DLGAP2: variants seen among roughly 807,000 people sequenced by gnomAD.
DLGAP2 encodes the protein disks large-associated protein 2.
A neutral mutation model predicts 100.3 loss-of-function variants in DLGAP2; 26 were observed. That is an observed-to-expected ratio of 0.26 (90% CI 0.19 to 0.36). DLGAP2 has a LOEUF of 0.36. DLGAP2 is among the 10% of genes least tolerant of loss of function. The pLI is 1.00. For missense variants in DLGAP2, 1,858 were observed against 1,453.2 expected (o/e 1.28, Z -4.53); for synonymous variants, 886 against 630.1 (o/e 1.41, Z -6.08).
intron 8 of DLGAP2, among the ~76,000 whole-genome samples, chr8:1,662,388 G>A (rs1798427859): frequency 6.6e-6 from 1 of 152,136 alleles, no homozygotes; most frequent in Admixed American, 6.5e-5. Context: ...TAGGAAACCT[G>A]GAACCGCCAT....
chr8:806,033 A>G (rs1242209854), intron 1 of DLGAP2, among the ~76,000 whole-genome samples: 1 of 152,204 alleles, frequency 6.6e-6, no homozygotes, highest in Admixed American at 6.5e-5. Flanking sequence ...CATTTTGCCA[A>G]TTCCTTTTAC....
At chr8:1,272,035 C>G (rs1018636068) in intron 3 of DLGAP2, among the ~76,000 whole-genome samples, 1 of 152,122 alleles carries the variant, frequency 6.6e-6, no homozygotes, top group Admixed American at 6.5e-5. Context: ...AAGTTGGTCT[C>G]AAACTCCTGA....
intron 3 of DLGAP2, among the ~76,000 whole-genome samples, chr8:1,291,035 A>G (rs1373673321): frequency 6.6e-6 from 1 of 152,216 alleles, no homozygotes. Flanking sequence ...GCTTGAAACA[A>G]AAGGTCTATA....
chr8:1,458,625 A>C (rs1478708321), intron 3 of DLGAP2, among the ~76,000 whole-genome samples: 3 of 152,184 alleles, frequency 2.0e-5, no homozygotes, highest in Non-Finnish European at 2.9e-5. Context: ...TCAAACTCAA[A>C]ACAATCTCTG....
At chr8:832,648 G>C (rs1044355621) in intron 1 of DLGAP2, among the ~76,000 whole-genome samples, 1 of 152,190 alleles carries the variant, frequency 6.6e-6, no homozygotes, top group African/African-American at 2.4e-5. Flanking sequence ...CTTTTCTTTT[G>C]CACTGATTTT....
intron 1 of DLGAP2, among the ~76,000 whole-genome samples, chr8:893,668 A>G (rs1798081997): frequency 6.6e-6 from 1 of 152,156 alleles, no homozygotes; most frequent in South Asian, 2.1e-4. Context: ...TGGTTTCATG[A>G]CAGCATCCAG....
chr8:1,055,912 A>G (rs1276100221), intron 2 of DLGAP2, among the ~76,000 whole-genome samples: 1 of 152,194 alleles, frequency 6.6e-6, no homozygotes, highest in Admixed American at 6.5e-5. Flanking sequence ...AGATGTCAGG[A>G]ATAATAATAC....
intron 2 of DLGAP2, among the ~76,000 whole-genome samples, chr8:958,582 CAA>C (rs1207044026): frequency 0.068 from 5,811 of 85,518 alleles, 367 homozygotes; most frequent in African/African-American, 0.23. Flanking sequence ...ACTAGACCTC[CAA>C]AAAAAAAAAA....
chr8:1,302,901 C>T (rs1056176908), intron 3 of DLGAP2, among the ~76,000 whole-genome samples: 2 of 152,256 alleles, frequency 1.3e-5, no homozygotes, highest in Middle Eastern at 6.8e-3. Flanking sequence ...CTGGCTGTAA[C>T]TCGCCTCCTT....
intron 4 of DLGAP2, among the ~76,000 whole-genome samples, chr8:1,518,096 A>G (rs1200496282): frequency 1.3e-5 from 2 of 152,186 alleles, no homozygotes; most frequent in Non-Finnish European, 2.9e-5. Context: ...TGCATCTCAG[A>G]CAGCCCTTAT....
rs539815886 is a variant in DLGAP2 at position 869,642 on chromosome 8, A to G, written c.19-38270A>G. Among the ~76,000 whole-genome samples the G allele has an allele frequency of 2.0e-5, 3 of 152,362 alleles. No homozygotes were observed. The South Asian group carries it at 6.2e-4, about 32-fold the overall frequency. ...AAAGGTGAATTTAATCAACATAAGAAAAATAAAAGACTCCTTAGTCTTAAT... is the reference window on the plus strand; with the variant it reads ...AAAGGTGAATTTAATCAACATAAGAGAAATAAAAGACTCCTTAGTCTTAAT... On this transcript the variant is annotated intron_variant, in intron 1 of 14. Transcript: ENST00000637795.
intron 6 of DLGAP2, among the ~76,000 whole-genome samples, chr8:1,593,426 G>A (rs948887068): frequency 6.6e-6 from 1 of 152,040 alleles, no homozygotes; most frequent in Non-Finnish European, 1.5e-5. Flanking sequence ...CTGCACTCCA[G>A]CCTGGGCGAC....
At chr8:1,452,794 T>C (rs1798198231) in intron 3 of DLGAP2, among the ~76,000 whole-genome samples, 1 of 152,122 alleles carries the variant, frequency 6.6e-6, no homozygotes, top group African/African-American at 2.4e-5. Context: ...GGACCCGAGC[T>C]TCTTAGAAAC....
At chr8:1,066,258 G>T (rs922730717) in intron 2 of DLGAP2, among the ~76,000 whole-genome samples, 1 of 150,812 alleles carries the variant, frequency 6.6e-6, no homozygotes, top group African/African-American at 2.4e-5. Flanking sequence ...CCACGGTCAG[G>T]TCTGAGCGAG....
intron 2 of DLGAP2, among the ~76,000 whole-genome samples, chr8:924,887 A>G (rs1798781734): frequency 1.3e-5 from 2 of 152,234 alleles, no homozygotes; most frequent in East Asian, 3.9e-4. Context: ...CGCCTGGCCA[A>G]TCCAGGTTAT....
intron 2 of DLGAP2, among the ~76,000 whole-genome samples, chr8:1,166,104 GC>G (rs1434030763): frequency 6.6e-6 from 1 of 152,190 alleles, no homozygotes; most frequent in Non-Finnish European, 1.5e-5. Context: ...TCAGGTCATG[GC>G]ACCTTAGCTA....
intron 1 of DLGAP2, among the ~76,000 whole-genome samples, chr8:887,320 T>C (rs1167447806): frequency 6.6e-6 from 1 of 152,192 alleles, no homozygotes; most frequent in African/African-American, 2.4e-5. Flanking sequence ...CTTGACTCCT[T>C]ATCCAATTTG....
chr8:1,439,313 A>C (rs1053900791), intron 3 of DLGAP2, among the ~76,000 whole-genome samples: 1 of 152,184 alleles, frequency 6.6e-6, no homozygotes, highest in Non-Finnish European at 1.5e-5. Flanking sequence ...TGGGGGTTTT[A>C]GGAGGAAGCT....
intron 3 of DLGAP2, among the ~76,000 whole-genome samples, chr8:1,367,515 G>C (rs1372825044): frequency 1.3e-5 from 2 of 152,200 alleles, no homozygotes; most frequent in Non-Finnish European, 2.9e-5. Context: ...AAAAGTCCAG[G>C]CACACCCTGC....
Sources: gnomAD v4.1 joint callset for allele counts (sites outside exome capture counted in the v4.1 genomes callset) on GRCh38, gnomAD v4.1.1 for gene constraint, MANE v1.5 for transcripts, NCBI Gene and HGNC (gene_info 2026-07-23, HGNC 2026-07-21) for gene names.